The following COBL variants were observed in gnomAD, a reference collection of about 807,000 sequenced individuals.
The protein encoded by COBL is cordon-bleu WH2 repeat protein.
Under a neutral mutation model 98.8 loss-of-function variants are expected in COBL, and 51 were observed. The ratio of observed to expected loss-of-function variants is 0.52; its 90% CI spans 0.41 to 0.65. The LOEUF is 0.65. COBL is among the 30% of genes least tolerant of loss of function. COBL has a pLI of 0.00. For missense variants in COBL, 1,617 were observed against 1,617.5 expected (o/e 1.00, Z 0.01); for synonymous variants, 634 against 651.7 (o/e 0.97, Z 0.41).
At chr7:51,157,257 C>T (rs188019417) in intron 5 of COBL, among the ~76,000 whole-genome samples, 1 of 152,304 alleles carries the variant, frequency 6.6e-6, no homozygotes, top group Non-Finnish European at 1.5e-5. Context: ...CCTGTAATCC[C>T]AGCTACCTGG....
At chr7:51,118,063 T>C (rs911549849) in intron 6 of COBL, among the ~76,000 whole-genome samples, 2 of 152,196 alleles carry the variant, frequency 1.3e-5, no homozygotes, top group African/African-American at 2.4e-5. Context: ...CTTTCTAGTA[T>C]TCTTTCCTCA....
rs1787771411 is a variant in COBL at position 51,028,226 on chromosome 7, G to A, written c.2870C>T (p.Pro957Leu). 1 of 1,614,158 alleles carries A rather than the reference G, an allele frequency of 6.2e-7. No homozygotes were observed. Among genetic ancestry groups the A allele is most frequent in the Non-Finnish European group, 8.5e-7 (1 of 1,179,988 alleles). The change falls in exon 10 of 13, where the codon CCA becomes CTA. Residue 957 changes from proline (P) to leucine (L), a missense_variant. This residue lies in a region of COBL where 1,304 missense variants were observed against 1,282.0 expected (regional missense o/e 1.02). Coordinates refer to ENST00000265136, the MANE Select transcript of COBL (RefSeq NM_015198.5). ...GAPPRGEVIG[P>L]HRKLSTQDRP... Reference sequence around the variant, plus strand: ...GTCCTGAGTAGACAACTTCCTGTGTGGGCCAATGACCTCCCCCCTAGGAGG... The same window carrying A: ...GTCCTGAGTAGACAACTTCCTGTGTAGGCCAATGACCTCCCCCCTAGGAGG...
At chr7:51,203,575 T>A (rs1791372631) in intron 2 of COBL, among the ~76,000 whole-genome samples, 1 of 135,002 alleles carries the variant, frequency 7.4e-6, no homozygotes, top group Non-Finnish European at 1.6e-5. Flanking sequence ...ATAAAAAAGA[T>A]CACTAGGCAG....
intron 7 of COBL, chr7:51,082,932 G>A: frequency 3.5e-6 from 3 of 847,182 alleles, no homozygotes; most frequent in Non-Finnish European, 5.7e-6. Context: ...TGGGAAACAA[G>A]AGCTGAGAAG....
At chr7:51,230,963 A>T (rs1030610922) in intron 1 of COBL, among the ~76,000 whole-genome samples, 1 of 152,196 alleles carries the variant, frequency 6.6e-6, no homozygotes, top group Non-Finnish European at 1.5e-5. Context: ...GGCAGTGGAG[A>T]TCAAAGGGGT....
chr7:51,025,122 G>A lies in COBL; in HGVS notation c.3755C>T (p.Ala1252Val), dbSNP rs371380118. 2.5e-5 allele frequency: 40 copies of A among 1,611,876 alleles called. No individual in the cohort carries two copies. The highest frequency in any genetic ancestry group is 1.1e-4 in the East Asian group (5 of 44,872). Reference sequence around the variant, plus strand: ...AGTCGCCATCACCTTTCTCAGTCTCGCAGCCCCTGTGCCGGAGCGGATGGC... The same window carrying A: ...AGTCGCCATCACCTTTCTCAGTCTCACAGCCCCTGTGCCGGAGCGGATGGC... ...MDAIRSGTGA[A>V]RLRKVPLLV is the part of the protein sequence containing the mutation. The change falls in exon 12 of 13, where the codon GCG becomes GTG. Residue 1252 changes from alanine (A) to valine (V), a missense_variant. Coordinates refer to ENST00000265136, the MANE Select transcript of COBL (RefSeq NM_015198.5).
intron 1 of COBL, among the ~76,000 whole-genome samples, chr7:51,281,879 C>T (rs558935779): frequency 4.6e-5 from 7 of 152,224 alleles, no homozygotes; most frequent in African/African-American, 1.7e-4. Flanking sequence ...ATACATGATT[C>T]TTCTTTTTTG....
intron 7 of COBL, among the ~76,000 whole-genome samples, chr7:51,048,671 A>G (rs1158998800): frequency 6.6e-6 from 1 of 152,014 alleles, no homozygotes. Context: ...TGTATAGAAT[A>G]TGTATCTAAG....
intron 6 of COBL, among the ~76,000 whole-genome samples, chr7:51,097,964 C>A (rs1486697476): frequency 2.8e-5 from 4 of 144,116 alleles, no homozygotes; most frequent in African/African-American, 5.2e-5. Flanking sequence ...GCGGAGATTG[C>A]AGTGAGCCAA....
intron 1 of COBL, among the ~76,000 whole-genome samples, chr7:51,257,978 C>T (rs1036669979): frequency 2.0e-5 from 3 of 152,032 alleles, no homozygotes; most frequent in African/African-American, 7.2e-5. Flanking sequence ...ACAGTGTATT[C>T]GTTGTAACAA....
At chr7:51,112,832 T>G (rs1212564575) in intron 6 of COBL, among the ~76,000 whole-genome samples, 1 of 152,334 alleles carries the variant, frequency 6.6e-6, no homozygotes, top group East Asian at 1.9e-4. Context: ...AGATCTGTTT[T>G]GAACATAATA....
intron 1 of COBL, among the ~76,000 whole-genome samples, chr7:51,220,368 T>C (rs986412997): frequency 6.6e-6 from 1 of 152,110 alleles, no homozygotes; most frequent in Non-Finnish European, 1.5e-5. Flanking sequence ...TCCAAATCTA[T>C]GGCCAGTTCT....
At chr7:51,247,023 G>A (rs918619563) in intron 1 of COBL, among the ~76,000 whole-genome samples, 1 of 152,170 alleles carries the variant, frequency 6.6e-6, no homozygotes, top group Non-Finnish European at 1.5e-5. Flanking sequence ...AAGCAGTGCG[G>A]GCCTGCAGGA....
chr7:51,276,307 T>C (rs1240558988), intron 1 of COBL, among the ~76,000 whole-genome samples: 1 of 152,172 alleles, frequency 6.6e-6, no homozygotes, highest in Non-Finnish European at 1.5e-5. Context: ...AAGAGCTATG[T>C]AAGTTGGTCC....
At chr7:51,083,924 A>G (rs1205543950) in intron 7 of COBL, among the ~76,000 whole-genome samples, 3 of 152,182 alleles carry the variant, frequency 2.0e-5, no homozygotes, top group African/African-American at 7.2e-5. Context: ...TTTACAGTGG[A>G]TGCCACTTAA....
At position 51,083,020 on chromosome 7, in the gene COBL, A is replaced by G. The variant is rs1793822923; in HGVS notation, c.1096+2146T>C. 4 of 1,530,082 alleles carry G rather than the reference A, an allele frequency of 2.6e-6. No homozygotes were observed. In the East Asian group the frequency reaches 9.8e-5, roughly 37 times the overall value. The allele number at this position is 1,530,082 out of a possible 1,614,324, so 94.8% of individuals were successfully genotyped here. On this transcript the variant is annotated intron_variant, in intron 7 of 12. Coordinates refer to ENST00000265136, the MANE Select transcript of COBL (RefSeq NM_015198.5). ...GACATCGCAGTGCTCAGAGAGATGA[A>G]CAGTTAACACAGTCGGAATGAAGCA...
intron 6 of COBL, among the ~76,000 whole-genome samples, chr7:51,121,132 A>G (rs1024850927): frequency 1.3e-5 from 2 of 152,182 alleles, no homozygotes; most frequent in Non-Finnish European, 2.9e-5. Flanking sequence ...TTACACTCCC[A>G]CCAACAATGC....
chr7:51,203,562 T>G (rs529470824), intron 2 of COBL, among the ~76,000 whole-genome samples: 2 of 127,306 alleles, frequency 1.6e-5, no homozygotes, highest in Non-Finnish European at 3.5e-5. Context: ...CTTAGAAATA[T>G]GAATAAAAAA....
chr7:51,278,963 CAG>C (rs1799563595), intron 1 of COBL, among the ~76,000 whole-genome samples: 1 of 152,246 alleles, frequency 6.6e-6, no homozygotes, highest in Admixed American at 6.5e-5. Context: ...CAGCAGGCGG[CAG>C]GTGGCCGGGG....
Sources: gnomAD v4.1 joint callset for allele counts (sites outside exome capture counted in the v4.1 genomes callset) on GRCh38, gnomAD v4.1.1 for gene constraint, gnomAD v4.1.1 regional missense constraint, MANE v1.5 for transcripts, NCBI Gene and HGNC (gene_info 2026-07-23, HGNC 2026-07-21) for gene names.